SIRT3: variants seen among roughly 807,000 people sequenced by gnomAD.
The protein encoded by SIRT3 is NAD-dependent protein deacetylase sirtuin-3, mitochondrial.
Under a neutral mutation model 33.5 loss-of-function variants are expected in SIRT3, and 26 were observed. That is an observed-to-expected ratio of 0.78 (90% CI 0.57 to 1.08). The LOEUF is 1.08. Among genes scored for constraint, SIRT3 ranks in the 50% least tolerant of loss-of-function variants. The pLI is 0.00. For synonymous variants in SIRT3, 237 were observed against 222.1 expected, an observed-to-expected ratio of 1.07 and a Z score of -0.60; for missense variants, 585 against 530.1, an observed-to-expected ratio of 1.10 and a Z score of -1.02.
intron 5 of SIRT3, 149 bp from the exon 6 acceptor site, chr11:219,190 C>A (rs1830911559): frequency 2.6e-5 from 27 of 1,040,344 alleles, no homozygotes; most frequent in Non-Finnish European, 3.4e-5. Flanking sequence ...AATCTCATTT[C>A]TTCAGCTGAG....
chr11:228,730 G>A (rs1380949012), intron 4 of SIRT3, among the ~76,000 whole-genome samples: 1 of 151,996 alleles, frequency 6.6e-6, no homozygotes, highest in Non-Finnish European at 1.5e-5. Context: ...AAAATAAATA[G>A]ACAAACTAGA....
At chr11:234,267 G>C (rs2133947298) in intron 1 of SIRT3, among the ~76,000 whole-genome samples, 1 of 152,296 alleles carries the variant, frequency 6.6e-6, no homozygotes, top group South Asian at 2.1e-4. Flanking sequence ...ACCTGGGAGG[G>C]ACACTGTGCA....
chr11:231,871 C>CCAGGAGA (rs1462624118), intron 3 of SIRT3, among the ~76,000 whole-genome samples: 5 of 8,074 alleles, frequency 6.2e-4, no homozygotes, highest in African/African-American at 2.6e-3. Context: ...TCTCCGGGAG[C>CCAGGAGA]CTGGCTCCCG....
rs202066094 is a variant in SIRT3, at chr11:219,008, G to A, written c.1003C>T (p.Arg335Trp). The change falls in exon 6 of 7, where the codon CGG becomes TGG. Residue 335 changes from arginine to tryptophan, a missense_variant. By Grantham distance (101) the Arg-to-Trp change is moderately radical. Transcript: ENST00000382743. ...EPFASLTEAVRSSVPRLLINR... is the reference protein window; with the variant it reads ...EPFASLTEAVWSSVPRLLINR... ...ATGAGCAGTCGGGGAACTGAGCTCCGCACGGCCTCGGTCAAGCTGGCAAAA... is the reference window on the plus strand; with the variant it reads ...ATGAGCAGTCGGGGAACTGAGCTCCACACGGCCTCGGTCAAGCTGGCAAAA... The A allele has an allele frequency of 7.0e-5, 113 of 1,613,740 alleles. No individual in the cohort carries two copies. Among genetic ancestry groups the A allele is most frequent in the Non-Finnish European group, 8.5e-5 (100 of 1,179,978 alleles).
At position 233,386 on chromosome 11, in the gene SIRT3, C is replaced by G; in HGVS notation, c.430G>C (p.Val144Leu). Reference sequence around the variant, plus strand: ...CTGGGTGTGCTGATGCCGGCCCCCACCATGACCACCACCCTCTGGCAGGCT... The same window carrying G: ...CTGGGTGTGCTGATGCCGGCCCCCAGCATGACCACCACCCTCTGGCAGGCT... ...ARACQRVVVM[V>L]GAGISTPSGI... The change falls in exon 2 of 7, where the codon GTG becomes CTG. Residue 144 changes from valine to leucine, a missense_variant. By Grantham distance (32) the Val-to-Leu change is conservative. Coordinates refer to ENST00000382743, the MANE Select transcript of SIRT3 (RefSeq NM_012239.6). The G allele has an allele frequency of 6.2e-7, 1 of 1,614,104 alleles. No individual in the cohort carries two copies. Among genetic ancestry groups the G allele is most frequent in the Non-Finnish European group, 8.5e-7 (1 of 1,180,000 alleles).
chr11:228,295 T>C (rs1857440234), intron 4 of SIRT3, among the ~76,000 whole-genome samples: 1 of 152,262 alleles, frequency 6.6e-6, no homozygotes, highest in Admixed American at 6.5e-5. Context: ...AAATTGGTCA[T>C]TCAATGAATG....
At chr11:230,337 G>T in intron 4 of SIRT3, 115 bp downstream of exon 4, 9 of 462,756 alleles carry the variant, frequency 1.9e-5, no homozygotes, top group East Asian at 3.7e-5. Flanking sequence ...CAAATAAAAT[G>T]TTTCACACTA....
intron 1 of SIRT3, among the ~76,000 whole-genome samples, chr11:234,418 G>A (rs957350333): frequency 2.0e-5 from 3 of 152,064 alleles, no homozygotes; most frequent in Admixed American, 6.5e-5. Flanking sequence ...GTTTTGTTTT[G>A]TTTTGTTTTG....
chr11:220,293 GA>G (rs371337129), intron 5 of SIRT3, among the ~76,000 whole-genome samples: 7,314 of 126,302 alleles, frequency 0.058, 234 homozygotes, highest in East Asian at 0.17. Flanking sequence ...TCGCGCCACT[GA>G]ACCTCCAGCC....
chr11:233,308 G>T (rs1266495390), intron 2 of SIRT3, 35 bp downstream of exon 2: 1 of 1,604,624 alleles, frequency 6.2e-7, no homozygotes, highest in Admixed American at 1.7e-5. Flanking sequence ...TCAGGGGAGG[G>T]GAGCGCAGAA....
chr11:227,708 C>T (rs1029509946), intron 4 of SIRT3, among the ~76,000 whole-genome samples: 14 of 152,006 alleles, frequency 9.2e-5, no homozygotes, highest in Admixed American at 2.6e-4. Context: ...TCACAGCAAC[C>T]TCCCCTCCCA....
At chr11:230,789 T>C (rs1857847534) in intron 3 of SIRT3, 1 of 356,886 alleles carries the variant, frequency 2.8e-6, no homozygotes, top group Non-Finnish European at 5.0e-6. Context: ...ACAAAGCCTG[T>C]CAAAACTCAG....
upstream of SIRT3, chr11:236,469 C>T: frequency 2.2e-6 from 1 of 454,626 alleles, no homozygotes; most frequent in Non-Finnish European, 2.9e-6. Flanking sequence ...GTCCCGCCTC[C>T]GCGCCCCGCC....
At chr11:221,493 T>C (rs1564806877) in intron 5 of SIRT3, among the ~76,000 whole-genome samples, 1 of 152,252 alleles carries the variant, frequency 6.6e-6, no homozygotes, top group Non-Finnish European at 1.5e-5. Context: ...AATTTTGTAT[T>C]AAATCCACAA....
rs201765776 is a variant in SIRT3, at chr11:233,526, C to A, written c.290G>T (p.Gly97Val). 1.9e-6 allele frequency: 3 copies of A among 1,613,622 alleles called. No homozygotes were observed. The African/African-American group carries it at 4.0e-5, about 22-fold the overall frequency. Residue 97 changes from glycine (G) to valine (V), a missense_variant, in exon 2 of 7, where the codon GGT becomes GTT. Physicochemically the swap from Gly to Val is moderately radical, Grantham distance 109 (BLOSUM62 -3). Coordinates refer to ENST00000382743, the MANE Select transcript of SIRT3 (RefSeq NM_012239.6). Reference protein sequence around the residue: ...APSFFFSSIKGGRRSISFSVG... With the variant: ...APSFFFSSIKVGRRSISFSVG... ...AGAAAAAGATATGGACCTTCTTCCA[C>A]CTTTAATACTGACAGAAAAAAACAC...
At chr11:231,124 C>CA (rs33939565) in intron 3 of SIRT3, among the ~76,000 whole-genome samples, 62,638 of 138,330 alleles carry the variant, frequency 0.45, 14,916 homozygotes, top group African/African-American at 0.62. Flanking sequence ...GATTCTGTCT[C>CA]AAAAAAAAAA....
In SIRT3 at chr11:216,591, T is replaced by C; in HGVS notation, c.*107A>G. The C allele has an allele frequency of 1.6e-6, 2 of 1,262,688 alleles. No individual in the cohort carries two copies. Among genetic ancestry groups the C allele is most frequent in the Non-Finnish European group, 2.3e-6 (2 of 865,826 alleles). The allele number at this position is 1,262,688 out of a possible 1,614,324, so 78.2% of individuals were successfully genotyped here. The stretch of plus-strand genomic sequence containing the variant: ...GCCTCGGGTGTCCACTCAGTTCACA[T>C]ATTCTGGTTTCACCTGCCCAAGCTG... On this transcript the variant is annotated 3_prime_UTR_variant, in exon 7 of 7. Coordinates refer to ENST00000382743, the MANE Select transcript of SIRT3 (RefSeq NM_012239.6).
Position 233,435 on chromosome 11 carries a change from A to T in SIRT3, c.381T>A (p.Asp127Glu), listed in dbSNP as rs1315623533. 1.2e-6 allele frequency: 2 copies of T among 1,614,026 alleles called. No individual in the cohort carries two copies. Among genetic ancestry groups the T allele is most frequent in the Non-Finnish European group, 1.7e-6 (2 of 1,179,998 alleles). ...CTCTGGCCCGAATCAGCTCAGCTAC[A>T]TCCTGCAGGGAAAGCTTCCCCTTGT... ...SSDKGKLSLQ[D>E]VAELIRARAC... The change falls in exon 2 of 7, where the codon GAT becomes GAA. Residue 127 changes from aspartate to glutamate, a missense_variant. Coordinates refer to ENST00000382743, the MANE Select transcript of SIRT3 (RefSeq NM_012239.6).
At chr11:224,731 T>C (rs1237925132) in intron 4 of SIRT3, among the ~76,000 whole-genome samples, 4 of 152,286 alleles carry the variant, frequency 2.6e-5, no homozygotes, top group African/African-American at 4.8e-5. Context: ...CTTCACTCAC[T>C]GGCTGGCATT....
Sources: gnomAD v4.1 joint callset for allele counts (sites outside exome capture counted in the v4.1 genomes callset) on GRCh38, gnomAD v4.1.1 for gene constraint, MANE v1.5 for transcripts, NCBI Gene and HGNC (gene_info 2026-07-23, HGNC 2026-07-21) for gene names.